Variants in FNIP2 observed in about 807,000 individuals in gnomAD.
The protein encoded by FNIP2 is folliculin-interacting protein 2.
A neutral mutation model predicts 108.7 loss-of-function variants in FNIP2; 32 were observed. The ratio of observed to expected loss-of-function variants is 0.29; its 90% CI spans 0.22 to 0.40. The LOEUF (loss-of-function observed/expected upper bound fraction) is 0.40, where lower values mean the gene tolerates loss of function less well. FNIP2 is among the 10% of genes least tolerant of loss of function. FNIP2 has a pLI of 1.00. For synonymous variants in FNIP2, 480 were observed against 496.7 expected (o/e 0.97, Z 0.45); for missense variants, 1,202 against 1,381.6 (o/e 0.87, Z 2.06).
intron 1 of FNIP2, among the ~76,000 whole-genome samples, chr4:158,813,156 T>G (rs562165130): frequency 6.6e-6 from 1 of 152,332 alleles, no homozygotes; most frequent in East Asian, 1.9e-4. Context: ...GTTTTGGCAA[T>G]TATGAATAAA....
chr4:158,808,394 A>C lies in FNIP2; in HGVS notation c.108-17522A>C, dbSNP rs867639394. On this transcript the variant is annotated intron_variant, in intron 1 of 16. Transcript: ENST00000264433. ...ACCTGTTATCCTCTTTCCTTATTTTAACTTCCTTTAGATTTACTTCTCTAG... is the reference window on the plus strand; with the variant it reads ...ACCTGTTATCCTCTTTCCTTATTTTCACTTCCTTTAGATTTACTTCTCTAG... 7.4e-4 allele frequency among the ~76,000 whole-genome samples: 113 copies of C among 152,206 alleles called. 1 individual carries two copies. Among genetic ancestry groups the C allele is most frequent in the African/African-American group, 2.6e-3 (110 of 41,528 alleles).
intron 14 of FNIP2, among the ~76,000 whole-genome samples, chr4:158,878,022 G>A (rs1230549260): frequency 1.3e-5 from 2 of 151,626 alleles, no homozygotes; most frequent in African/African-American, 4.8e-5. Context: ...CTAAACTGGT[G>A]TGGATGGCAT....
chr4:158,859,829 A>G (rs1040283677), intron 10 of FNIP2, among the ~76,000 whole-genome samples, 163 bp downstream of exon 10: 1 of 152,222 alleles, frequency 6.6e-6, no homozygotes, highest in African/African-American at 2.4e-5. Context: ...AAAAATTTAA[A>G]TAATTTACCG....
chr4:158,869,349 T>C lies in FNIP2; in HGVS notation c.2713T>C (p.Cys905Arg), dbSNP rs755140418. 7 of 1,612,706 alleles carry C rather than the reference T, an allele frequency of 4.3e-6. No individual in the cohort carries two copies. The highest frequency in any genetic ancestry group is 3.3e-4 in the Middle Eastern group (2 of 6,082). ...CCTGGGAGACAGTGACGACGAAGCC[T>C]GCGCTTCAGCCATGCTAGATCTGGG... ...SALGDSDDEA[C>R]ASAMLDLGHG... The change falls in exon 13 of 17, where the codon TGC becomes CGC. Residue 905 changes from cysteine (C) to arginine (R), a missense_variant. Transcript: ENST00000264433.
At chr4:158,798,578 G>A (rs1205302025) in intron 1 of FNIP2, among the ~76,000 whole-genome samples, 1 of 152,234 alleles carries the variant, frequency 6.6e-6, no homozygotes, top group African/African-American at 2.4e-5. Context: ...AAAGGTGGCA[G>A]GGGTTTGGTT....
chr4:158,840,483 T>A (rs550067327), intron 7 of FNIP2, among the ~76,000 whole-genome samples: 1 of 152,014 alleles, frequency 6.6e-6, no homozygotes, highest in Non-Finnish European at 1.5e-5. Context: ...GCAACCTCCG[T>A]CTCCCAGGTT....
intron 1 of FNIP2, among the ~76,000 whole-genome samples, chr4:158,805,120 G>A (rs548072200): frequency 2.3e-4 from 35 of 152,256 alleles, no homozygotes; most frequent in Non-Finnish European, 1.3e-4. Context: ...GGCAAAAACC[G>A]CAATTACTTT....
At chr4:158,890,191 A>T in intron 14 of FNIP2, 1 of 985,406 alleles carries the variant, frequency 1.0e-6, no homozygotes, top group Non-Finnish European at 1.2e-6. Context: ...AATGTTGAAC[A>T]TCAGACTTTG....
chr4:158,891,137 G>A (rs1027315725), intron 14 of FNIP2, among the ~76,000 whole-genome samples: 15 of 152,302 alleles, frequency 9.8e-5, no homozygotes, highest in African/African-American at 3.6e-4. Flanking sequence ...ATGTGCATAT[G>A]TGCATTGGCT....
chr4:158,897,411 C>T (rs780670969), intron 16 of FNIP2, among the ~76,000 whole-genome samples: 13 of 152,286 alleles, frequency 8.5e-5, no homozygotes, highest in Admixed American at 1.3e-4. Context: ...CTTGAGGAAT[C>T]GCCACACTGT....
At position 158,803,676 on chromosome 4, in the gene FNIP2, T is replaced by C. The variant is rs370754220; in HGVS notation, c.108-22240T>C. 1.1e-4 allele frequency among the ~76,000 whole-genome samples: 16 copies of C among 152,242 alleles called. No individual in the cohort carries two copies. The East Asian group carries it at 2.3e-3, about 22-fold the overall frequency. Reference sequence around the variant, plus strand: ...AGATTTTGAACTGTGGAATTAAGGCTTATTAGTTGGGTAACAGAGGAAATG... The same window carrying C: ...AGATTTTGAACTGTGGAATTAAGGCCTATTAGTTGGGTAACAGAGGAAATG... On this transcript the variant is annotated intron_variant, in intron 1 of 16. Coordinates refer to ENST00000264433, the MANE Select transcript of FNIP2 (RefSeq NM_020840.3).
At chr4:158,898,311 G>A (rs1415142199) in intron 16 of FNIP2, among the ~76,000 whole-genome samples, 1 of 152,132 alleles carries the variant, frequency 6.6e-6, no homozygotes, top group African/African-American at 2.4e-5. Context: ...GGATTGCCTT[G>A]GCTATGCAGG....
chr4:158,777,966 C>G (rs1281060938), intron 1 of FNIP2, among the ~76,000 whole-genome samples: 1 of 152,062 alleles, frequency 6.6e-6, no homozygotes, highest in Admixed American at 6.5e-5. Flanking sequence ...ATACTCTATG[C>G]AAATACAGGA....
chr4:158,857,245 G>A (rs1434268638), intron 8 of FNIP2, among the ~76,000 whole-genome samples: 1 of 152,202 alleles, frequency 6.6e-6, no homozygotes, highest in East Asian at 1.9e-4. Context: ...AATGTAAGAT[G>A]ACAGACAAAG....
Position 158,861,404 on chromosome 4 carries a change from T to C in FNIP2, c.1211T>C (p.Met404Thr), listed in dbSNP as rs1337813716. ...GCTGAACCTGTATGGCTTACTATGA[T>C]GTCCGGCACTTTGGAAAAAAACCAG... The part of the protein sequence containing the change: ...RIAEPVWLTM[M>T]SGTLEKNQLC... Residue 404 changes from methionine (M) to threonine (T), a missense_variant, in exon 11 of 17, where the codon ATG (methionine) becomes ACG (threonine). By Grantham distance (81) the Met-to-Thr change is moderately conservative (BLOSUM62 -1). Transcript: ENST00000264433. The C allele has an allele frequency of 6.2e-7, 1 of 1,613,960 alleles. No homozygotes were observed. The highest frequency in any genetic ancestry group is 1.3e-5 in the African/African-American group (1 of 74,950).
At chr4:158,878,744 C>T (rs1191338362) in intron 14 of FNIP2, among the ~76,000 whole-genome samples, 2 of 152,080 alleles carry the variant, frequency 1.3e-5, no homozygotes, top group Non-Finnish European at 2.9e-5. Flanking sequence ...ATCAGCACTC[C>T]TCCAGTTGGC....
chr4:158,853,189 C>G (rs1191109506), intron 8 of FNIP2, among the ~76,000 whole-genome samples: 2 of 151,974 alleles, frequency 1.3e-5, no homozygotes, highest in Non-Finnish European at 2.9e-5. Flanking sequence ...TCTGCAAATA[C>G]ATTTGTTTAG....
At chr4:158,882,152 C>T (rs1189532244) in intron 14 of FNIP2, among the ~76,000 whole-genome samples, 3 of 151,490 alleles carry the variant, frequency 2.0e-5, no homozygotes, top group Non-Finnish European at 4.4e-5. Context: ...TGCCCGGCAG[C>T]CGCCCCATCT....
Position 158,871,465 on chromosome 4 carries a change from C to T in FNIP2, c.2949+996C>T, listed in dbSNP as rs1302832561. 6.1e-6 allele frequency: 6 copies of T among 985,076 alleles called. No individual in the cohort carries two copies. In the East Asian group the frequency reaches 3.4e-4, roughly 56 times the overall value. The allele number at this position is 985,076 out of a possible 1,614,324, so 61.0% of individuals were successfully genotyped here. ...ATGTTATCTTTGGCCTTGAGCATCT[C>T]CTCTGTGAAGACCAAACATCAGGCA... On this transcript the variant is annotated intron_variant, in intron 14 of 16. Transcript: ENST00000264433.
Sources: allele counts gnomAD v4.1 joint callset (sites outside exome capture counted in the v4.1 genomes callset), GRCh38; gene constraint gnomAD v4.1.1; transcripts MANE v1.5; gene names NCBI Gene and HGNC (gene_info 2026-07-23, HGNC 2026-07-21).